Variants in FAM178B observed in about 807,000 individuals in gnomAD.
FAM178B encodes protein FAM178B.
A neutral mutation model predicts 91.7 loss-of-function variants in FAM178B; 82 were observed. The ratio of observed to expected loss-of-function variants is 0.89; its 90% CI spans 0.75 to 1.07. The LOEUF is 1.07. Ranked by LOEUF, FAM178B falls within the 50% of genes least tolerant of loss-of-function variation. The probability of loss-of-function intolerance (pLI) is 0.00; values close to 1 mark genes in which losing one functional copy is unlikely to be tolerated. For synonymous variants in FAM178B, 368 were observed against 359.4 expected (o/e 1.02, Z -0.27); for missense variants, 769 against 846.7 (o/e 0.91, Z 1.14).
At chr2:96,911,880 T>A (rs954227915) in intron 12 of FAM178B, among the ~76,000 whole-genome samples, 5 of 152,094 alleles carry the variant, frequency 3.3e-5, no homozygotes, top group African/African-American at 9.7e-5. Context: ...AGGCGGTGAC[T>A]CCTGCTTCCC....
chr2:96,980,159 T>G (rs2082343687), intron 1 of FAM178B, among the ~76,000 whole-genome samples: 1 of 150,546 alleles, frequency 6.6e-6, no homozygotes, highest in Non-Finnish European at 1.5e-5. Context: ...CACTGCAACC[T>G]CCGCCTCCCC....
chr2:96,940,691 G>C (rs867949395), intron 8 of FAM178B, among the ~76,000 whole-genome samples: 2 of 152,160 alleles, frequency 1.3e-5, no homozygotes, highest in South Asian at 2.1e-4. Flanking sequence ...AAGAGGCATA[G>C]GGAAACTTTT....
intron 6 of FAM178B, among the ~76,000 whole-genome samples, chr2:96,958,798 T>C (rs997641023): frequency 3.4e-5 from 5 of 148,590 alleles, no homozygotes; most frequent in Admixed American, 1.4e-4. Flanking sequence ...TTTCTTCAGG[T>C]ATGATAGTAA....
At chr2:96,978,254 A>T (rs945012199) in intron 1 of FAM178B, among the ~76,000 whole-genome samples, 1 of 152,206 alleles carries the variant, frequency 6.6e-6, no homozygotes, top group Non-Finnish European at 1.5e-5. Flanking sequence ...TTCTATGAAC[A>T]TCATCTTCCT....
At chr2:96,968,655 GCCC>G (rs1045598961) in intron 4 of FAM178B, among the ~76,000 whole-genome samples, 2 of 150,190 alleles carry the variant, frequency 1.3e-5, no homozygotes, top group African/African-American at 4.9e-5. Flanking sequence ...CCCACCAGAA[GCCC>G]CATCACCCTC....
chr2:96,925,320 C>T (rs1257981777), intron 9 of FAM178B, among the ~76,000 whole-genome samples: 1 of 152,114 alleles, frequency 6.6e-6, no homozygotes, highest in East Asian at 1.9e-4. Flanking sequence ...GTGGGGAGAG[C>T]CCTGTCCTCC....
chr2:96,948,905 G>A (rs2081877157), intron 7 of FAM178B, among the ~76,000 whole-genome samples: 1 of 152,130 alleles, frequency 6.6e-6, no homozygotes, highest in Non-Finnish European at 1.5e-5. Flanking sequence ...ACTCCTGGGG[G>A]CAAATACTCT....
chr2:96,979,343 G>C (rs1796050), intron 1 of FAM178B, among the ~76,000 whole-genome samples: 81,481 of 144,900 alleles, frequency 0.56, 27,333 homozygotes, highest in Non-Finnish European at 0.77. Context: ...GCAGTGGTAC[G>C]ATCTTCACTC....
At chr2:96,983,270 T>TAC (rs1479966780) in intron 1 of FAM178B, among the ~76,000 whole-genome samples, 1 of 152,172 alleles carries the variant, frequency 6.6e-6, no homozygotes, top group Non-Finnish European at 1.5e-5. Flanking sequence ...TGCATATATA[T>TAC]ACACATATAC....
chr2:96,887,641 G>A (rs534501671), intron 14 of FAM178B, among the ~76,000 whole-genome samples: 1 of 152,370 alleles, frequency 6.6e-6, no homozygotes, highest in African/African-American at 2.4e-5. Context: ...CAGCAGTGAA[G>A]CCATGCATTG....
At chr2:96,899,975 C>T (rs1173620563) in intron 13 of FAM178B, among the ~76,000 whole-genome samples, 2 of 151,506 alleles carry the variant, frequency 1.3e-5, no homozygotes, top group Non-Finnish European at 2.9e-5. Flanking sequence ...CCAGCCCTTC[C>T]TCCATGACAC....
chr2:96,929,727 C>T (rs774311357), intron 8 of FAM178B, among the ~76,000 whole-genome samples: 14 of 152,212 alleles, frequency 9.2e-5, no homozygotes, highest in Admixed American at 2.0e-4. Context: ...TGCAAAGCAC[C>T]GAGGCTGACA....
chr2:96,943,238 T>C (rs114523437), intron 8 of FAM178B, among the ~76,000 whole-genome samples: 1 of 152,172 alleles, frequency 6.6e-6, no homozygotes, highest in East Asian at 1.9e-4. Context: ...AAATCACATA[T>C]CTGGTAAAAA....
chr2:96,894,152 T>C, intron 13 of FAM178B, 101 bp from the exon 14 acceptor site: 1 of 1,391,936 alleles, frequency 7.2e-7, no homozygotes, highest in Non-Finnish European at 9.7e-7. Context: ...TGGCAGTGTG[T>C]TAGGGCACTG....
chr2:96,915,951 C>CT (rs2153370417), intron 12 of FAM178B, among the ~76,000 whole-genome samples: 1 of 152,256 alleles, frequency 6.6e-6, no homozygotes, highest in Non-Finnish European at 1.5e-5. Context: ...GCTTCAAAGC[C>CT]TTTTTTCCAC....
At chr2:96,883,014 G>A (rs1194238783) in intron 14 of FAM178B, among the ~76,000 whole-genome samples, 4 of 152,256 alleles carry the variant, frequency 2.6e-5, no homozygotes, top group Admixed American at 1.3e-4. Flanking sequence ...TTTCCCCAGA[G>A]TCTGGTGGGC....
intron 1 of FAM178B, 85 bp from the exon 2 acceptor site, chr2:96,972,691 CTGG>C: frequency 7.7e-7 from 1 of 1,303,756 alleles, no homozygotes; most frequent in Non-Finnish European, 1.1e-6. Context: ...AGAGGAGGGC[CTGG>C]GCCCACTGTG....
At chr2:96,893,829 ACCCGC>A (rs1450527334) in intron 14 of FAM178B, 92 bp downstream of exon 14, 5 of 1,431,110 alleles carry the variant, frequency 3.5e-6, no homozygotes, top group Admixed American at 2.3e-5. Context: ...TTCTGGAAGG[ACCCGC>A]AGGCCATGCA....
At chr2:96,878,727 G>A (rs1366757468) in intron 14 of FAM178B, among the ~76,000 whole-genome samples, 1 of 152,230 alleles carries the variant, frequency 6.6e-6, no homozygotes, top group East Asian at 1.9e-4. Flanking sequence ...CTCCCAGCCT[G>A]CCCTCTGATG....
Sources: gnomAD v4.1 joint callset for allele counts (sites outside exome capture counted in the v4.1 genomes callset) on GRCh38, gnomAD v4.1.1 for gene constraint, MANE v1.5 for transcripts, NCBI Gene and HGNC (gene_info 2026-07-23, HGNC 2026-07-21) for gene names.